Variants in SLCO1A2 observed in about 807,000 individuals in gnomAD.
SLCO1A2 encodes OATP-1.
Under a neutral mutation model 69.0 loss-of-function variants are expected in SLCO1A2, and 67 were observed. The ratio of observed to expected loss-of-function variants is 0.97; its 90% CI spans 0.80 to 1.19. The LOEUF (loss-of-function observed/expected upper bound fraction) is 1.19, where lower values mean the gene tolerates loss of function less well. Ranked by LOEUF, SLCO1A2 falls within the 50% of genes most tolerant of loss-of-function variation. SLCO1A2 has a pLI of 0.00. For synonymous variants in SLCO1A2, 260 were observed against 265.9 expected (o/e 0.98, Z 0.22); for missense variants, 787 against 793.7 (o/e 0.99, Z 0.10).
intron 5 of SLCO1A2, among the ~76,000 whole-genome samples, chr12:21,306,116 A>C (rs928127715): frequency 6.6e-6 from 1 of 152,232 alleles, no homozygotes; most frequent in Non-Finnish European, 1.5e-5. Flanking sequence ...AGTCAATAGA[A>C]AGGGAATAGA....
chr12:21,333,131 C>T (rs867146897), intron 2 of SLCO1A2, among the ~76,000 whole-genome samples: 5 of 152,116 alleles, frequency 3.3e-5, no homozygotes, highest in Non-Finnish European at 5.9e-5. Context: ...TTTTATAAAT[C>T]AGATTTTATA....
At chr12:21,381,959 C>T (rs1940614140) in intron 1 of SLCO1A2, among the ~76,000 whole-genome samples, 1 of 152,178 alleles carries the variant, frequency 6.6e-6, no homozygotes, top group Non-Finnish European at 1.5e-5. Flanking sequence ...CAATTTGATA[C>T]AGTAATCCCA....
At chr12:21,343,439 C>G (rs921778500) in intron 2 of SLCO1A2, among the ~76,000 whole-genome samples, 1 of 152,036 alleles carries the variant, frequency 6.6e-6, no homozygotes, top group Non-Finnish European at 1.5e-5. Context: ...AAATTGGCCC[C>G]TTTTTTCTTG....
intron 1 of SLCO1A2, among the ~76,000 whole-genome samples, chr12:21,394,256 G>A (rs971423286): frequency 6.6e-6 from 1 of 152,098 alleles, no homozygotes; most frequent in Admixed American, 6.5e-5. Context: ...ATGAAATGTT[G>A]GGTCAGTGCA....
At chr12:21,328,120 A>G (rs1286401711) in intron 2 of SLCO1A2, among the ~76,000 whole-genome samples, 1 of 152,184 alleles carries the variant, frequency 6.6e-6, no homozygotes, top group Non-Finnish European at 1.5e-5. Context: ...CGTGTAAGAT[A>G]TGCCTTTGCT....
At chr12:21,346,316 G>C (rs1210700954) in intron 2 of SLCO1A2, among the ~76,000 whole-genome samples, 5 of 152,080 alleles carry the variant, frequency 3.3e-5, no homozygotes, top group Non-Finnish European at 1.5e-5. Flanking sequence ...TCAGTGTCTT[G>C]ATCTTCGAAG....
At chr12:21,324,148 A>C (rs1310203475) in intron 2 of SLCO1A2, among the ~76,000 whole-genome samples, 1 of 152,192 alleles carries the variant, frequency 6.6e-6, no homozygotes, top group Non-Finnish European at 1.5e-5. Context: ...GATTCAACTA[A>C]AAATGTAAAG....
intron 2 of SLCO1A2, among the ~76,000 whole-genome samples, chr12:21,320,210 T>C (rs1951428538): frequency 6.6e-6 from 1 of 152,192 alleles, no homozygotes; most frequent in Non-Finnish European, 1.5e-5. Flanking sequence ...ACTTATTTTC[T>C]ACCTCACATA....
At position 21,269,002 on chromosome 12, in the gene SLCO1A2, T is replaced by A. The variant is rs1432158121; in HGVS notation, c.*546A>T. On this transcript the variant is annotated 3_prime_UTR_variant, in exon 15 of 15. Transcript: ENST00000683939. ...AATTGAAAGTAGGAGGGTATATTTA[T>A]GAGTAATCTATTATATAGGAGTCAT... 1 of 151,988 alleles carries A rather than the reference T, an allele frequency of 6.6e-6. No homozygotes were observed. Among genetic ancestry groups the A allele is most frequent in the Non-Finnish European group, 1.5e-5 (1 of 67,946 alleles). 9.4% of individuals were successfully genotyped at this position (151,988 alleles called of 1,614,324 possible).
chr12:21,297,386 A>G lies in SLCO1A2; in HGVS notation c.1075+18T>C, dbSNP rs1477967678. 5 of 1,600,108 alleles carry G rather than the reference A, an allele frequency of 3.1e-6. No individual in the cohort carries two copies. Among genetic ancestry groups the G allele is most frequent in the Non-Finnish European group, 4.3e-6 (5 of 1,170,172 alleles). ...GGGGGGGAAAGTGTGCTAGTAAGGC[A>G]GAGAAAAACAAACATACCCATTAGA... On this transcript the variant is annotated intron_variant, in intron 9 of 14. Transcript: ENST00000683939.
upstream of SLCO1A2, among the ~76,000 whole-genome samples, chr12:21,397,601 TA>T (rs1941520787): frequency 6.6e-6 from 1 of 151,994 alleles, no homozygotes; most frequent in Non-Finnish European, 1.5e-5. Context: ...CACCTATTCC[TA>T]AATTGACCAC....
At chr12:21,338,257 G>T (rs538592671), upstream of SLCO1A2, among the ~76,000 whole-genome samples, 1 of 151,876 alleles carries the variant, frequency 6.6e-6, no homozygotes. Context: ...CTCAGTCTTG[G>T]TGTCCAACCC....
At chr12:21,383,365 C>T (rs1940707171) in intron 1 of SLCO1A2, among the ~76,000 whole-genome samples, 1 of 152,090 alleles carries the variant, frequency 6.6e-6, no homozygotes, top group African/African-American at 2.4e-5. Context: ...ATAGCTGGTC[C>T]CTTAACGTCC....
intron 1 of SLCO1A2, among the ~76,000 whole-genome samples, chr12:21,387,555 C>T (rs549754015): frequency 8.5e-5 from 13 of 152,296 alleles, no homozygotes; most frequent in Admixed American, 3.9e-4. Context: ...ATTGACCCTA[C>T]GGGGCACAGA....
intron 4 of SLCO1A2, among the ~76,000 whole-genome samples, chr12:21,307,314 T>TA: frequency 6.6e-6 from 1 of 152,256 alleles, no homozygotes; most frequent in African/African-American, 2.4e-5. Flanking sequence ...ACACAAACTT[T>TA]AAAAAATGTG....
At chr12:21,384,797 G>A (rs1462128666) in intron 1 of SLCO1A2, among the ~76,000 whole-genome samples, 1 of 142,282 alleles carries the variant, frequency 7.0e-6, no homozygotes, top group Non-Finnish European at 1.5e-5. Flanking sequence ...TCGGAGTCTC[G>A]TTCTGTCACT....
intron 2 of SLCO1A2, among the ~76,000 whole-genome samples, chr12:21,326,959 G>A (rs573164686): frequency 1.4e-4 from 21 of 152,180 alleles, no homozygotes; most frequent in Non-Finnish European, 2.2e-4. Context: ...GAAGCCAAAT[G>A]TTAATCACCC....
intron 14 of SLCO1A2, 80 bp downstream of exon 14, chr12:21,274,385 CAAAG>C (rs1943415381): frequency 2.4e-6 from 2 of 820,250 alleles, no homozygotes; most frequent in South Asian, 1.8e-5. Context: ...TTTCACTTGA[CAAAG>C]AAAAAGTTAC....
At chr12:21,316,424 C>G (rs1950870272) in intron 3 of SLCO1A2, among the ~76,000 whole-genome samples, 2 of 152,148 alleles carry the variant, frequency 1.3e-5, no homozygotes, top group Admixed American at 1.3e-4. Context: ...ACCTTCACTG[C>G]TTCCTAGCGT....
Sources: allele counts gnomAD v4.1 joint callset (sites outside exome capture counted in the v4.1 genomes callset), GRCh38; gene constraint gnomAD v4.1.1; transcripts MANE v1.5; gene names NCBI Gene and HGNC (gene_info 2026-07-23, HGNC 2026-07-21).